Variants in RAX observed in about 807,000 individuals in gnomAD.
RAX encodes retina and anterior neural fold homeobox, also known as retinal homeobox protein Rx.
Under a neutral mutation model 17.4 loss-of-function variants are expected in RAX, and 11 were observed. That is an observed-to-expected ratio of 0.63 (90% CI 0.40 to 1.05). RAX has a LOEUF of 1.05. Among genes scored for constraint, RAX ranks in the 50% least tolerant of loss-of-function variants. The pLI, the probability that RAX is intolerant of heterozygous loss-of-function variation, is 0.00. For synonymous variants in RAX, 276 were observed against 254.7 expected, an observed-to-expected ratio of 1.08 and a Z score of -0.80; for missense variants, 527 against 501.1, an observed-to-expected ratio of 1.05 and a Z score of -0.49.
At chr18:59,270,467 T>C (rs2070329127) in intron 2 of RAX, among the ~76,000 whole-genome samples, 1 of 152,222 alleles carries the variant, frequency 6.6e-6, no homozygotes, top group Non-Finnish European at 1.5e-5. Context: ...ATTACTGATT[T>C]GATAAAAGTG....
At chr18:59,272,888 G>C in intron 1 of RAX, 30 bp downstream of exon 1, 4 of 1,489,932 alleles carry the variant, frequency 2.7e-6, no homozygotes, top group Non-Finnish European at 3.5e-6. Flanking sequence ...GCGCCCGAAC[G>C]GCCTCGCACA....
Position 59,273,327 on chromosome 18 carries a change from G to T in RAX, c.-121C>A, listed in dbSNP as rs1157416902. ...CGACCCTAGGTCAAGCTCCGCGGGC[G>T]AAGCCCGCCCGGGCTGCGCACGCTG... On this transcript the variant is annotated 5_prime_UTR_variant, in exon 1 of 3. Coordinates refer to ENST00000334889, the MANE Select transcript of RAX (RefSeq NM_013435.3). The T allele has an allele frequency of 5.6e-6, 6 of 1,064,726 alleles. No homozygotes were observed. The highest frequency in any genetic ancestry group is 7.7e-6 in the Non-Finnish European group (6 of 780,810). 66.0% of individuals were successfully genotyped at this position (1,064,726 alleles called of 1,614,324 possible).
chr18:59,272,952 C>T lies in RAX; in HGVS notation c.255G>A (p.Pro85=). Residue 85 remains proline (P), a synonymous_variant, in exon 1 of 3, where the codon CCG becomes CCA. Coordinates refer to ENST00000334889, the MANE Select transcript of RAX (RefSeq NM_013435.3). ...KAPEEGSEPS[P]PPAPAPAPEY... ...CGGGGGCGGGCGCCGGGGCTGGCGG[C>T]GGGGAGGGCTCGGAGCCTTCCTCGG... The T allele has an allele frequency of 6.8e-7, 1 of 1,466,766 alleles. No individual in the cohort carries two copies. Among genetic ancestry groups the T allele is most frequent in the South Asian group, 1.4e-5 (1 of 71,072 alleles). 90.9% of individuals were successfully genotyped at this position (1,466,766 alleles called of 1,614,324 possible).
rs746126022 is a variant in RAX, at chr18:59,272,921, C to G, written c.286G>C (p.Glu96Gln). The G allele has an allele frequency of 2.0e-5, 29 of 1,480,786 alleles. No homozygotes were observed. In the Admixed American group the frequency reaches 3.3e-4, roughly 17 times the overall value. 91.7% of individuals were successfully genotyped at this position (1,480,786 alleles called of 1,614,324 possible). A position where few individuals can be genotyped will look rare whatever the true frequency, so the allele number is the denominator to read the frequency against. ...ACAGCCAGGGGTGCGCACTCACCTT[C>G]GTACTCGGGGGCGGGCGCCGGGGCT... The part of the protein sequence containing the change: ...PPAPAPAPEY[E>Q]APRPYCPKEP... The change falls in exon 1 of 3, where the codon GAA becomes CAA. Residue 96 changes from glutamate (E) to glutamine (Q), a missense_variant. Transcript: ENST00000334889.
In RAX at chr18:59,272,404, T is replaced by C. The variant is rs915968183; in HGVS notation, c.500A>G (p.Glu167Gly). The change falls in exon 2 of 3, where the codon GAG becomes GGG. Residue 167 changes from glutamate to glycine, a missense_variant. Transcript: ENST00000334889. ...KSHYPDVYSR[E>G]ELAGKVNLPE... ...TAGGTTGACCTTGCCGGCCAGCTCCTCGCGGCTGTACACGTCCGGGTAGTG... is the reference window on the plus strand; with the variant it reads ...TAGGTTGACCTTGCCGGCCAGCTCCCCGCGGCTGTACACGTCCGGGTAGTG... The C allele has an allele frequency of 1.2e-6, 2 of 1,614,268 alleles. No individual in the cohort carries two copies. The highest frequency in any genetic ancestry group is 1.7e-6 in the Non-Finnish European group (2 of 1,180,056).
intron 2 of RAX, among the ~76,000 whole-genome samples, chr18:59,270,263 T>C (rs1368844165): frequency 6.6e-6 from 1 of 152,246 alleles, no homozygotes. Flanking sequence ...TAATGTCTGC[T>C]TACTATTTCT....
rs959893009 is a variant in RAX, at chr18:59,272,696, C to T, written c.290-82G>A. The stretch of plus-strand genomic sequence containing the variant: ...ACCCCGCCTCGCTGTGGGCACTGGC[C>T]AGCCCGCCTGCGGGCTCCGAGATGG... On this transcript the variant is annotated intron_variant, in intron 1 of 2. Transcript: ENST00000334889. 2.7e-6 allele frequency: 4 copies of T among 1,486,184 alleles called. No individual in the cohort carries two copies. The African/African-American group carries it at 5.6e-5, about 21-fold the overall frequency. The allele number at this position is 1,486,184 out of a possible 1,614,324, so 92.1% of individuals were successfully genotyped here. A position where few individuals can be genotyped will look rare whatever the true frequency, so the allele number is the denominator to read the frequency against.
chr18:59,273,042 C>G lies in RAX; in HGVS notation c.165G>C (p.Arg55=). The G allele has an allele frequency of 6.5e-7, 1 of 1,534,632 alleles. No individual in the cohort carries two copies. The highest frequency in any genetic ancestry group is 1.2e-5 in the South Asian group (1 of 84,002). ...DGILGTFPAE[R]GARGAKERDR... is the part of the protein sequence containing the mutation. ...CCCGCTCCTTCGCGCCCCGGGCGCC[C>G]CGCTCCGCCGGGAAGGTGCCGAGGA... is the stretch of plus-strand genomic sequence containing the variant. The change falls in exon 1 of 3, where the codon CGG becomes CGC. Residue 55 remains arginine (R), a synonymous_variant. Coordinates refer to ENST00000334889, the MANE Select transcript of RAX (RefSeq NM_013435.3).
rs748266486 is a variant in RAX, at chr18:59,269,099, C to G, written c.946G>C (p.Asp316His). 32 of 1,611,464 alleles carry G rather than the reference C, an allele frequency of 2.0e-5. No individual in the cohort carries two copies. Among genetic ancestry groups the G allele is most frequent in the Non-Finnish European group, 2.6e-5 (31 of 1,179,180 alleles). Reference sequence around the variant, plus strand: ...CTGCTGTTGCGCGGGTCCGCCTCGTCCAGCGGGAACTTGTCCCCGAAGCCG... The same window carrying G: ...CTGCTGTTGCGCGGGTCCGCCTCGTGCAGCGGGAACTTGTCCCCGAAGCCG... ...GPGFGDKFPL[D>H]EADPRNSSIA... The change falls in exon 3 of 3, where the codon GAC becomes CAC. Residue 316 changes from aspartate to histidine, a missense_variant. By Grantham distance (81) the Asp-to-His change is moderately conservative. Coordinates refer to ENST00000334889, the MANE Select transcript of RAX (RefSeq NM_013435.3).
At position 59,273,337 on chromosome 18, in the gene RAX, C is replaced by A; in HGVS notation, c.-131G>T. ...TCAAGCTCCGCGGGCGAAGCCCGCC[C>A]GGGCTGCGCACGCTGGGGGTGGCCG... On this transcript the variant is annotated 5_prime_UTR_variant, in exon 1 of 3. Transcript: ENST00000334889. 9.9e-7 allele frequency: 1 copy of A among 1,011,406 alleles called. No individual in the cohort carries two copies. Among genetic ancestry groups the A allele is most frequent in the Non-Finnish European group, 1.4e-6 (1 of 729,776 alleles). 62.7% of individuals were successfully genotyped at this position (1,011,406 alleles called of 1,614,324 possible).
Position 59,268,895 on chromosome 18 carries a change from C to A in RAX, c.*109G>T, listed in dbSNP as rs1603388705. On this transcript the variant is annotated 3_prime_UTR_variant, in exon 3 of 3. Transcript: ENST00000334889. This position sits in a 1 kb window ranked among gnomAD's most constrained non-coding sequence, Gnocchi z 4.4. ...ACTATGCTTGGCGGGTGGCTGCAGG[C>A]GACAGGGAAAGAGGGGCCGAGCTGG... 6.4e-7 allele frequency: 1 copy of A among 1,552,826 alleles called. No homozygotes were observed. The highest frequency in any genetic ancestry group is 8.8e-7 in the Non-Finnish European group (1 of 1,138,926).
chr18:59,272,763 T>C (rs1293255662), intron 1 of RAX, 149 bp from the exon 2 acceptor site: 1 of 1,364,802 alleles, frequency 7.3e-7, no homozygotes, highest in Non-Finnish European at 9.7e-7. Context: ...GGTCCTAAGC[T>C]TTCTCTGAAT....
chr18:59,271,765 A>G (rs1468966068), intron 2 of RAX, among the ~76,000 whole-genome samples: 1 of 152,256 alleles, frequency 6.6e-6, no homozygotes, highest in Non-Finnish European at 1.5e-5. Context: ...TTTAATGATC[A>G]GGGATTAAAG....
intron 2 of RAX, among the ~76,000 whole-genome samples, chr18:59,269,899 A>C (rs7242592): frequency 3.0e-4 from 46 of 152,236 alleles, no homozygotes; most frequent in African/African-American, 1.1e-3. Context: ...TCAGAAAAAA[A>C]AAGTGAATTT....
intron 2 of RAX, among the ~76,000 whole-genome samples, chr18:59,270,961 G>A (rs1006713983): frequency 2.6e-4 from 39 of 152,314 alleles, no homozygotes; most frequent in African/African-American, 7.7e-4. Flanking sequence ...GTAGCCTTCA[G>A]ATCTAGTGTC....
Position 59,267,820 on chromosome 18 carries a change from G to C in RAX, c.*1184C>G, listed in dbSNP as rs1334587325. On this transcript the variant is annotated 3_prime_UTR_variant, in exon 3 of 3. Transcript: ENST00000334889. ...GAGATTCCTTCCTCGCCCTAGAGCC[G>C]GCGCCAAAGAACTGCAGATACTGTC... 6.6e-6 allele frequency: 1 copy of C among 152,258 alleles called. No homozygotes were observed. The highest frequency in any genetic ancestry group is 1.5e-5 in the Non-Finnish European group (1 of 68,090). 9.4% of individuals were successfully genotyped at this position (152,258 alleles called of 1,614,324 possible). A position where few individuals can be genotyped will look rare whatever the true frequency, so the allele number is the denominator to read the frequency against.
Position 59,273,367 on chromosome 18 carries a change from C to T in RAX, c.-161G>A. ...TGCGCACGCTGGGGGTGGCCGAGCG[C>T]TCAGCCCGCTGCCGCCTTAGTCCCA... On this transcript the variant is annotated 5_prime_UTR_variant, in exon 1 of 3. Coordinates refer to ENST00000334889, the MANE Select transcript of RAX (RefSeq NM_013435.3). The T allele has an allele frequency of 1.4e-6, 1 of 736,998 alleles. No individual in the cohort carries two copies. The highest frequency in any genetic ancestry group is 2.1e-6 in the Non-Finnish European group (1 of 483,856). The allele number at this position is 736,998 out of a possible 1,614,324, so 45.7% of individuals were successfully genotyped here. A position where few individuals can be genotyped will look rare whatever the true frequency, so the allele number is the denominator to read the frequency against.
At chr18:59,272,067 A>G (rs551745350) in intron 2 of RAX, among the ~76,000 whole-genome samples, 1 of 152,050 alleles carries the variant, frequency 6.6e-6, no homozygotes, top group East Asian at 1.9e-4. Flanking sequence ...CTTCCTGGCT[A>G]TGTCTAATGA....
chr18:59,269,736 CTCTT>C (rs1425256263), intron 2 of RAX, among the ~76,000 whole-genome samples: 3 of 74,258 alleles, frequency 4.0e-5, no homozygotes, highest in South Asian at 8.8e-4. Flanking sequence ...CTCTCTCTCT[CTCTT>C]TTTTTTTTTT....
Sources: gnomAD v4.1 joint callset for allele counts (sites outside exome capture counted in the v4.1 genomes callset) on GRCh38, gnomAD v4.1.1 for gene constraint, Gnocchi (gnomAD v3.1) non-coding constraint, MANE v1.5 for transcripts, NCBI Gene and HGNC (gene_info 2026-07-23, HGNC 2026-07-21) for gene names.